The following MACF1 variants were observed in gnomAD, a reference collection of about 807,000 sequenced individuals.
MACF1 encodes the protein microtubule-actin cross-linking factor 1.
In MACF1, 193 loss-of-function variants were observed where a neutral mutation model predicts 854.8. That is an observed-to-expected ratio of 0.23 (90% CI 0.20 to 0.25). The LOEUF (loss-of-function observed/expected upper bound fraction) is 0.25. MACF1 is among the 10% of genes least tolerant of loss of function. The pLI, the probability that MACF1 is intolerant of heterozygous loss-of-function variation, is 1.00. For missense variants in MACF1, 7,722 were observed against 8,929.1 expected (o/e 0.86, Z 5.45); for synonymous variants, 3,185 against 3,226.7 (o/e 0.99, Z 0.44).
intron 44 of MACF1, among the ~76,000 whole-genome samples, chr1:39,354,650 T>A (rs1278816943): frequency 6.6e-6 from 1 of 152,104 alleles, no homozygotes; most frequent in Non-Finnish European, 1.5e-5. Flanking sequence ...GGTGATTTGC[T>A]CACCTCCCAA....
rs11371076 is a variant in MACF1, at chr1:39,163,340, CAAAAAAAA to C, written c.221-67829_221-67822del. 9.7e-3 allele frequency among the ~76,000 whole-genome samples: 778 copies of C among 80,348 alleles called. 5 individuals carry two copies. The highest frequency in any genetic ancestry group is 0.014 in the Admixed American group (85 of 5,988). 52.7% of individuals were successfully genotyped at this position (80,348 alleles called of 152,430 possible). On this transcript the variant is annotated intron_variant, in intron 2 of 93. Coordinates refer to the MACF1 transcript ENST00000361689. ...CCTGGGTGACAGAGCAAGACTGTCT[CAAAAAAAA>C]AAAAAAAAAAAAGAAAAGAAAAGAA...
intron 26 of MACF1, among the ~76,000 whole-genome samples, chr1:39,314,278 G>T (rs551961245): frequency 6.6e-6 from 1 of 152,012 alleles, no homozygotes; most frequent in Non-Finnish European, 1.5e-5. Flanking sequence ...GCATGGTGGC[G>T]TGTGCCTGTA....
Position 39,317,286 on chromosome 1 carries a change from G to A in MACF1, c.3661G>A (p.Val1221Ile), listed in dbSNP as rs376146349. 1.2e-6 allele frequency: 2 copies of A among 1,614,114 alleles called. No homozygotes were observed. The highest frequency in any genetic ancestry group is 1.1e-5 in the South Asian group (1 of 91,080). ...GGATGAGGAAATTGCCAAGGCCAAG[G>A]TAGTGGCAGAGCAGATGAGTCGTCT... ...VLDEEIAKAK[V>I]VAEQMSRLTP... The change falls in exon 29 of 101, where the codon GTA (valine) becomes ATA (isoleucine). Residue 1221 changes from valine (V) to isoleucine (I), a missense_variant. Physicochemically the swap from Val to Ile is conservative, Grantham distance 29. Around this residue, in one of 15 missense-constraint regions of MACF1, gnomAD observed 1,137 missense variants for 1,263.0 expected, o/e 0.90. Coordinates refer to ENST00000564288, the MANE Select transcript of MACF1 (RefSeq NM_001394062.1).
At chr1:39,432,998 T>C (rs1317356889) in intron 67 of MACF1, 50 bp from the exon 68 acceptor site, 2 of 1,190,168 alleles carry the variant, frequency 1.7e-6, no homozygotes, top group East Asian at 2.4e-5. Context: ...CCTTTAGTAA[T>C]AACAGGAAAA....
chr1:39,142,976 A>C (rs1349128914), intron 2 of MACF1, among the ~76,000 whole-genome samples: 1 of 152,174 alleles, frequency 6.6e-6, no homozygotes, highest in African/African-American at 2.4e-5. Flanking sequence ...TTTCAGGGAC[A>C]ATTAAGTGTT....
At position 39,263,949 on chromosome 1, in the gene MACF1, A is replaced by G. The variant is rs530746018; in HGVS notation, c.528+5921A>G. ...CCACCACACCCGGCTAATTTTTTGT[A>G]TTTTTAGTAGAGATGGGGTTTCACC... On this transcript the variant is annotated intron_variant, in intron 6 of 100. Transcript: ENST00000564288. Among the ~76,000 whole-genome samples, 431 of 151,130 alleles carry G rather than the reference A, an allele frequency of 2.9e-3. 1 individual carries two copies. The highest frequency in any genetic ancestry group is 5.1e-3 in the Non-Finnish European group (343 of 67,710).
chr1:39,134,186 G>A (rs1316538595), intron 2 of MACF1, among the ~76,000 whole-genome samples: 2 of 148,642 alleles, frequency 1.3e-5, no homozygotes, highest in South Asian at 2.2e-4. Context: ...GACTACAGGC[G>A]CCCGCCACCA....
chr1:39,406,973 T>C (rs535992050), intron 58 of MACF1, among the ~76,000 whole-genome samples: 11 of 152,318 alleles, frequency 7.2e-5, no homozygotes, highest in African/African-American at 2.2e-4. Context: ...AATTAAAACC[T>C]GGATTCCCTA....
chr1:39,404,076 C>T (rs548384928), intron 58 of MACF1, among the ~76,000 whole-genome samples: 250 of 151,548 alleles, frequency 1.6e-3, no homozygotes, highest in Non-Finnish European at 2.8e-3. Context: ...TTGCAATGAG[C>T]GAGATCGTGC....
In MACF1 at chr1:39,310,872, T is replaced by G. The variant is rs374390979; in HGVS notation, c.3142T>G (p.Leu1048Val). Residue 1048 changes from leucine (L) to valine (V), a missense_variant, in exon 26 of 101, where the codon TTG becomes GTG. Leu to Val is a conservative substitution (Grantham distance 32, BLOSUM62 1). Coordinates refer to ENST00000564288, the MANE Select transcript of MACF1 (RefSeq NM_001394062.1). ...ETVAKMYISE[L>V]KNIRLRLEEY... Reference sequence around the variant, plus strand: ...TGTGGCCAAGATGTACATTTCAGAGTTGAAGAACATCCGGCTACGCCTGGA... The same window carrying G: ...TGTGGCCAAGATGTACATTTCAGAGGTGAAGAACATCCGGCTACGCCTGGA... 11 of 1,613,752 alleles carry G rather than the reference T, an allele frequency of 6.8e-6. No individual in the cohort carries two copies. The highest frequency in any genetic ancestry group is 9.3e-6 in the Non-Finnish European group (11 of 1,179,934).
intron 49 of MACF1, among the ~76,000 whole-genome samples, chr1:39,366,796 G>A (rs1404849204): frequency 6.6e-6 from 1 of 151,088 alleles, no homozygotes; most frequent in Non-Finnish European, 1.5e-5. Flanking sequence ...CTGGGTTCCA[G>A]CAATTTCCAG....
At chr1:39,241,597 T>C (rs764873830) in intron 2 of MACF1, among the ~76,000 whole-genome samples, 2 of 146,154 alleles carry the variant, frequency 1.4e-5, no homozygotes, top group Admixed American at 7.0e-5. Flanking sequence ...GAGGCAGAGG[T>C]TGTAGTGAGC....
chr1:39,114,610 G>A (rs775224385), intron 2 of MACF1, among the ~76,000 whole-genome samples: 163 of 152,130 alleles, frequency 1.1e-3, no homozygotes, highest in Non-Finnish European at 1.7e-3. Flanking sequence ...AGAGAAAGCC[G>A]CATGAAGAAT....
rs766539457 is a variant in MACF1, at chr1:39,292,793, A to C, written c.1942A>C (p.Ser648Arg). The change falls in exon 17 of 101, where the codon AGC becomes CGC. Residue 648 changes from serine to arginine, a missense_variant. Ser to Arg is a moderately radical substitution (Grantham distance 110). Transcript: ENST00000564288. ...EGKMSQNFHT[S>R]YAETLGKLET... Reference sequence around the variant, plus strand: ...AAAGATGTCCCAGAATTTCCATACCAGCTATGCTGAAACTCTTGGAAAGCT... The same window carrying C: ...AAAGATGTCCCAGAATTTCCATACCCGCTATGCTGAAACTCTTGGAAAGCT... The C allele has an allele frequency of 6.2e-7, 1 of 1,612,406 alleles. No individual in the cohort carries two copies. Among genetic ancestry groups the C allele is most frequent in the South Asian group, 1.1e-5 (1 of 90,536 alleles).
At chr1:39,267,523 T>C (rs1645248116) in intron 6 of MACF1, among the ~76,000 whole-genome samples, 1 of 152,230 alleles carries the variant, frequency 6.6e-6, no homozygotes. Flanking sequence ...CGTGAGCCAC[T>C]GCGCCTGGCC....
rs1426091185 is a variant in MACF1, at chr1:39,317,266, A to T, written c.3641A>T (p.Glu1214Val). 1 of 1,614,122 alleles carries T rather than the reference A, an allele frequency of 6.2e-7. No individual in the cohort carries two copies. The highest frequency in any genetic ancestry group is 8.5e-7 in the Non-Finnish European group (1 of 1,180,020). ...DKNSVFSVLD[E>V]EIAKAKVVAE... ...AATTCAGTGTTTTCAGTCCTGGATG[A>T]GGAAATTGCCAAGGCCAAGGTAGTG... Residue 1214 changes from glutamate to valine, a missense_variant, in exon 29 of 101, where the codon GAG (glutamate) becomes GTG (valine). Glu to Val is a moderately radical substitution (Grantham distance 121, BLOSUM62 -2). Around this residue, in one of 15 missense-constraint regions of MACF1, gnomAD observed 1,137 missense variants for 1,263.0 expected, o/e 0.90. Transcript: ENST00000564288.
At chr1:39,223,877 A>G (rs1482955879) in intron 1 of MACF1, among the ~76,000 whole-genome samples, 1 of 152,198 alleles carries the variant, frequency 6.6e-6, no homozygotes, top group Non-Finnish European at 1.5e-5. Context: ...TTTAAGTTAC[A>G]AGATTAACCT....
In MACF1 at chr1:39,327,246, T is replaced by C. The variant is rs761272406; in HGVS notation, c.4507T>C (p.Ser1503Pro). 5 of 1,586,982 alleles carry C rather than the reference T, an allele frequency of 3.2e-6. No homozygotes were observed. In the African/African-American group the frequency reaches 5.4e-5, roughly 17 times the overall value. The part of the protein sequence containing the change: ...KLSEKEKKQI[S>P]EQLNALNKAY... ...CTCAGAAAAAGAGAAGAAACAAATA[T>C]CTGAGCAATTGAATGCCCTAAACAA... The change falls in exon 36 of 101, where the codon TCT becomes CCT. Residue 1503 changes from serine (S) to proline (P), a missense_variant. Physicochemically the swap from Ser to Pro is moderately conservative, Grantham distance 74. Around this residue, in one of 15 missense-constraint regions of MACF1, gnomAD observed 1,531 missense variants for 1,601.6 expected, o/e 0.96. Transcript: ENST00000564288.
intron 2 of MACF1, among the ~76,000 whole-genome samples, chr1:39,176,432 G>A (rs1019496440): frequency 6.6e-6 from 1 of 152,140 alleles, no homozygotes; most frequent in African/African-American, 2.4e-5. Flanking sequence ...ATTGAGAGTA[G>A]GAAGGGAAGA....
Sources: allele counts gnomAD v4.1 joint callset (sites outside exome capture counted in the v4.1 genomes callset), GRCh38; gene constraint gnomAD v4.1.1; regional missense constraint gnomAD v4.1.1; transcripts MANE v1.5; gene names NCBI Gene and HGNC (gene_info 2026-07-23, HGNC 2026-07-21).